The following PKIB variants were observed in gnomAD, a reference collection of about 807,000 sequenced individuals.
PKIB encodes the protein PKI-beta.
Under a neutral mutation model 4.5 loss-of-function variants are expected in PKIB, and 2 were observed. That is an observed-to-expected ratio of 0.44 (90% CI 0.18 to 1.39). The LOEUF (loss-of-function observed/expected upper bound fraction) is 1.39. PKIB is among the 40% of genes most tolerant of loss of function. The probability of loss-of-function intolerance (pLI) is 0.27; values close to 1 mark genes in which losing one functional copy is unlikely to be tolerated. For synonymous variants in PKIB, 38 were observed against 36.0 expected (o/e 1.06, Z -0.20); for missense variants, 94 against 92.6 (o/e 1.02, Z -0.06).
At chr6:122,682,211 G>C (rs1011312596) in intron 3 of PKIB, among the ~76,000 whole-genome samples, 1 of 152,002 alleles carries the variant, frequency 6.6e-6, no homozygotes, top group South Asian at 2.1e-4. Flanking sequence ...GTGGAGGAAG[G>C]CTTATGAGTT....
chr6:122,609,440 C>A (rs2114754889), upstream of PKIB, among the ~76,000 whole-genome samples: 1 of 152,050 alleles, frequency 6.6e-6, no homozygotes, highest in Middle Eastern at 3.4e-3. Flanking sequence ...CATTAGCACA[C>A]ACTGAATAAA....
At chr6:122,488,626 G>T (rs541829399) in intron 2 of PKIB, among the ~76,000 whole-genome samples, 1 of 152,020 alleles carries the variant, frequency 6.6e-6, no homozygotes, top group Non-Finnish European at 1.5e-5. Context: ...TAGAAATGGG[G>T]TTTTGCCATG....
intron 3 of PKIB, among the ~76,000 whole-genome samples, chr6:122,586,330 T>C (rs1490483477): frequency 6.6e-6 from 1 of 152,144 alleles, no homozygotes; most frequent in Non-Finnish European, 1.5e-5. Context: ...CTTGATACCA[T>C]CATATGATTT....
At chr6:122,656,693 A>C (rs1473085743) in intron 2 of PKIB, among the ~76,000 whole-genome samples, 5 of 152,216 alleles carry the variant, frequency 3.3e-5, no homozygotes, top group Admixed American at 2.6e-4. Flanking sequence ...CAGGGAGTGG[A>C]ACATGAGAGA....
At chr6:122,578,649 C>A (rs1448520649) in intron 2 of PKIB, among the ~76,000 whole-genome samples, 1 of 152,126 alleles carries the variant, frequency 6.6e-6, no homozygotes, top group Non-Finnish European at 1.5e-5. Flanking sequence ...TGCCTGGGCC[C>A]ACAGAGCCTG....
chr6:122,472,295 T>C (rs537546876), intron 1 of PKIB, among the ~76,000 whole-genome samples: 1 of 152,404 alleles, frequency 6.6e-6, no homozygotes, highest in South Asian at 2.1e-4. Context: ...ACAAGTTTTA[T>C]TGGGATATTT....
intron 3 of PKIB, among the ~76,000 whole-genome samples, chr6:122,689,965 G>A (rs1413406926): frequency 6.6e-6 from 1 of 151,992 alleles, no homozygotes; most frequent in Non-Finnish European, 1.5e-5. Context: ...ATTTAAAATT[G>A]TTATATCCTC....
chr6:122,572,080 T>C (rs1054555199), intron 2 of PKIB, among the ~76,000 whole-genome samples: 5 of 151,678 alleles, frequency 3.3e-5, no homozygotes, highest in Non-Finnish European at 5.9e-5. Flanking sequence ...ACACATAAAC[T>C]CATGGTAAAG....
chr6:122,591,406 A>G (rs1774018142), intron 3 of PKIB, among the ~76,000 whole-genome samples: 1 of 152,148 alleles, frequency 6.6e-6, no homozygotes, highest in African/African-American at 2.4e-5. Context: ...ATAACACCCC[A>G]TAGATTTGAA....
At chr6:122,632,607 A>T (rs184014796) in intron 1 of PKIB, among the ~76,000 whole-genome samples, 19 of 152,356 alleles carry the variant, frequency 1.2e-4, no homozygotes, top group East Asian at 9.6e-4. Flanking sequence ...TCTGCAAAAA[A>T]TATGCAAGTT....
chr6:122,543,439 G>C (rs2114641807), intron 2 of PKIB, among the ~76,000 whole-genome samples: 1 of 151,058 alleles, frequency 6.6e-6, no homozygotes, highest in Admixed American at 6.6e-5. Flanking sequence ...GAGTGCAATG[G>C]CATGATCTCA....
intron 2 of PKIB, among the ~76,000 whole-genome samples, chr6:122,670,186 A>C (rs1466472329): frequency 6.6e-6 from 1 of 152,022 alleles, no homozygotes; most frequent in African/African-American, 2.4e-5. Flanking sequence ...GGAGTATATC[A>C]CTTCTGCACC....
At chr6:122,724,553 A>G (rs1168206923) in intron 4 of PKIB, among the ~76,000 whole-genome samples, 3 of 152,170 alleles carry the variant, frequency 2.0e-5, no homozygotes, top group Non-Finnish European at 2.9e-5. Context: ...TGCATCTTCC[A>G]TTGTAAAAAG....
At chr6:122,613,016 A>G (rs1425272137) in intron 1 of PKIB, among the ~76,000 whole-genome samples, 1 of 152,218 alleles carries the variant, frequency 6.6e-6, no homozygotes, top group South Asian at 2.1e-4. Flanking sequence ...GAGCTGAGGT[A>G]CAGCAAACAC....
At chr6:122,526,586 AAAATCT>A in intron 2 of PKIB, among the ~76,000 whole-genome samples, 1 of 152,234 alleles carries the variant, frequency 6.6e-6, no homozygotes, top group East Asian at 1.9e-4. Context: ...ATTTTAAAAC[AAAATCT>A]TTTTCTTTGA....
intron 2 of PKIB, among the ~76,000 whole-genome samples, chr6:122,662,249 T>TAAGAAATG (rs1777019690): frequency 6.7e-6 from 1 of 149,140 alleles, no homozygotes; most frequent in African/African-American, 2.5e-5. Context: ...GTGTCATATC[T>TAAGAAATG]AAGAAATGAT....
chr6:122,547,408 T>A (rs1772527502), intron 2 of PKIB, among the ~76,000 whole-genome samples: 1 of 152,092 alleles, frequency 6.6e-6, no homozygotes, highest in Non-Finnish European at 1.5e-5. Flanking sequence ...CGATCTCAGC[T>A]CACTGCAACC....
intron 3 of PKIB, among the ~76,000 whole-genome samples, chr6:122,696,397 T>C (rs889782854): frequency 1.3e-5 from 2 of 152,168 alleles, no homozygotes; most frequent in African/African-American, 4.8e-5. Flanking sequence ...GGATTCCAGC[T>C]CACTGGGTTG....
intron 2 of PKIB, among the ~76,000 whole-genome samples, chr6:122,656,582 A>G (rs1776784650): frequency 6.6e-6 from 1 of 152,178 alleles, no homozygotes; most frequent in Non-Finnish European, 1.5e-5. Flanking sequence ...CCCCTGACCC[A>G]CAGTGAGGCA....
Sources: gnomAD v4.1 joint callset for allele counts (sites outside exome capture counted in the v4.1 genomes callset) on GRCh38, gnomAD v4.1.1 for gene constraint, MANE v1.5 for transcripts, NCBI Gene and HGNC (gene_info 2026-07-23, HGNC 2026-07-21) for gene names.